The following HERC3 variants were observed in gnomAD, a reference collection of about 807,000 sequenced individuals.
HERC3 encodes HECT and RLD domain containing E3 ubiquitin protein ligase 3.
A neutral mutation model predicts 129.9 loss-of-function variants in HERC3; 58 were observed. That is an observed-to-expected ratio of 0.45 (90% CI 0.36 to 0.56). The LOEUF is 0.56. HERC3 is among the 20% of genes least tolerant of loss of function. The probability of loss-of-function intolerance (pLI) is 0.00; values close to 1 mark genes in which losing one functional copy is unlikely to be tolerated. For synonymous variants in HERC3, 430 were observed against 451.0 expected (o/e 0.95, Z 0.59); for missense variants, 835 against 1,244.2 (o/e 0.67, Z 4.95).
chr4:88,549,223 A>C, the HERC3 span, among the ~76,000 whole-genome samples: 4 of 152,016 alleles, frequency 2.6e-5, no homozygotes, highest in African/African-American at 9.7e-5. Context: ...TTGTCCTAGC[A>C]CCATTTTTGG....
chr4:88,576,534 C>T, the HERC3 span, among the ~76,000 whole-genome samples: 78 of 152,332 alleles, frequency 5.1e-4, no homozygotes, highest in Non-Finnish European at 1.0e-3. Flanking sequence ...GGATGCTCTT[C>T]TCCCACCTGG....
chr4:88,654,172 A>G (rs1333287583), intron 7 of HERC3, 39 bp downstream of exon 7: 5 of 1,366,700 alleles, frequency 3.7e-6, no homozygotes, highest in African/African-American at 1.4e-5. Flanking sequence ...TGCTGGGGAT[A>G]TGATGGGTGA....
At chr4:88,527,603 T>C in the HERC3 span, 2 of 225,928 alleles carry the variant, frequency 8.9e-6, no homozygotes, top group Admixed American at 5.8e-5. Context: ...GTTATGGGGA[T>C]GTACCCGCTG....
Position 88,605,992 on chromosome 4 carries a change from A to G in HERC3, c.169A>G (p.Thr57Ala), listed in dbSNP as rs1441755127. ...VFLLEDGEVY[T>A]CGLNTKGQLG... ...CCTGCTGGAAGATGGGGAAGTTTAC[A>G]CATGTGGTTTGAACACCAAGGGGCA... Residue 57 changes from threonine to alanine, a missense_variant, in exon 3 of 26, where the codon ACA becomes GCA. By Grantham distance (58) the Thr-to-Ala change is moderately conservative. Coordinates refer to ENST00000402738, the MANE Select transcript of HERC3 (RefSeq NM_014606.3). The G allele has an allele frequency of 2.5e-6, 4 of 1,614,190 alleles. No individual in the cohort carries two copies. Among genetic ancestry groups the G allele is most frequent in the Non-Finnish European group, 2.5e-6 (3 of 1,180,042 alleles).
intron 3 of HERC3, among the ~76,000 whole-genome samples, chr4:88,631,923 A>G (rs1726812052): frequency 1.3e-5 from 2 of 152,234 alleles, no homozygotes; most frequent in Non-Finnish European, 2.9e-5. Flanking sequence ...TGGAGCGACT[A>G]TTTGATAACT....
the HERC3 span, among the ~76,000 whole-genome samples, chr4:88,583,513 T>C: frequency 6.6e-6 from 1 of 152,092 alleles, no homozygotes; most frequent in African/African-American, 2.4e-5. Context: ...AATTATGGAG[T>C]ACCTGCTCTG....
At chr4:88,704,863 C>CTTTTTTTTTTTTTTTTTTTT (rs1165694315) in intron 25 of HERC3, among the ~76,000 whole-genome samples, 4 of 130,672 alleles carry the variant, frequency 3.1e-5, no homozygotes, top group African/African-American at 1.2e-4. Context: ...TTCTTTCTTT[C>CTTTTTTTTTTTTTTTTTTTT]TTTTTTTTTT....
chr4:88,667,822 A>T (rs1731206514), intron 13 of HERC3, 70 bp from the exon 14 acceptor site: 2 of 1,141,898 alleles, frequency 1.8e-6, no homozygotes, highest in African/African-American at 1.5e-5. Flanking sequence ...CAAATAGCTT[A>T]TGAACTTAGA....
At chr4:88,683,870 C>T (rs1733092193) in intron 21 of HERC3, among the ~76,000 whole-genome samples, 1 of 152,156 alleles carries the variant, frequency 6.6e-6, no homozygotes, top group East Asian at 1.9e-4. Flanking sequence ...CACAAACTCA[C>T]AAACTTTCTT....
At chr4:88,649,783 T>C in intron 3 of HERC3, 57 bp from the exon 4 acceptor site, 1 of 1,448,816 alleles carries the variant, frequency 6.9e-7, no homozygotes, top group Non-Finnish European at 9.6e-7. Flanking sequence ...TGTGTAATGG[T>C]AGCAGTATTC....
intron 3 of HERC3, among the ~76,000 whole-genome samples, chr4:88,640,676 G>A (rs1727988084): frequency 6.6e-6 from 1 of 151,278 alleles, no homozygotes; most frequent in East Asian, 2.1e-4. Context: ...CATGGCACAT[G>A]TATACCTATT....
In HERC3 at chr4:88,687,195, CT is replaced by C. The variant is rs760954127; in HGVS notation, c.2575-16del. The stretch of plus-strand genomic sequence containing the variant: ...AATGGTTAACAAAATTGAAATATTT[CT>C]TTTTTCCACCTTAAATATAGATCTG... On this transcript the variant is annotated intron_variant, in intron 22 of 25. Transcript: ENST00000402738. 8.9e-6 allele frequency: 14 copies of C among 1,577,522 alleles called. No homozygotes were observed. In the East Asian group the frequency reaches 2.9e-4, roughly 33 times the overall value.
intron 21 of HERC3, among the ~76,000 whole-genome samples, chr4:88,683,543 T>C (rs1733048691): frequency 1.3e-5 from 2 of 152,226 alleles, no homozygotes; most frequent in South Asian, 4.1e-4. Context: ...GTATTTCAAG[T>C]AATGACTTTG....
intron 23 of HERC3, among the ~76,000 whole-genome samples, chr4:88,695,227 CTTAAGG>C (rs1734482417): frequency 6.6e-6 from 1 of 151,810 alleles, no homozygotes. Context: ...TTAACTTTAC[CTTAAGG>C]TTGTTTGTAC....
At chr4:88,680,894 G>C (rs111629870) in intron 20 of HERC3, 112 of 350,684 alleles carry the variant, frequency 3.2e-4, no homozygotes, top group African/African-American at 2.3e-3. Context: ...TTTCTATAAT[G>C]GCTGAAAGTT....
Position 88,653,107 on chromosome 4 carries a change from T to G in HERC3, c.685+17T>G. Reference sequence around the variant, plus strand: ...ATGAAAAAGGTAGGTAAACCCTTCATATGTATGTATTTAGTTTAAAAGCAC... The same window carrying G: ...ATGAAAAAGGTAGGTAAACCCTTCAGATGTATGTATTTAGTTTAAAAGCAC... On this transcript the variant is annotated intron_variant, in intron 6 of 25. Coordinates refer to ENST00000402738, the MANE Select transcript of HERC3 (RefSeq NM_014606.3). 1 of 1,610,638 alleles carries G rather than the reference T, an allele frequency of 6.2e-7. No homozygotes were observed. The highest frequency in any genetic ancestry group is 2.2e-5 in the East Asian group (1 of 44,856).
Position 88,605,886 on chromosome 4 carries a change from T to G in HERC3, c.63T>G (p.Ile21Met). ...QPGISTNLQG[I>M]VAEPQVCGFI... ...GTATCAGCACCAACCTGCAGGGAAT[T>G]GTGGCTGAGCCCCAGGTGTGTGGGT... Residue 21 changes from isoleucine to methionine, a missense_variant, in exon 3 of 26, where the codon ATT becomes ATG. By Grantham distance (10) the Ile-to-Met change is conservative. Transcript: ENST00000402738. 6.2e-7 allele frequency: 1 copy of G among 1,614,184 alleles called. No individual in the cohort carries two copies. The highest frequency in any genetic ancestry group is 1.1e-5 in the South Asian group (1 of 91,078).
chr4:88,683,056 C>T (rs555365764), intron 21 of HERC3, among the ~76,000 whole-genome samples: 5 of 152,156 alleles, frequency 3.3e-5, no homozygotes, highest in African/African-American at 7.2e-5. Flanking sequence ...TTTTGATTTG[C>T]ATTTCTCTGA....
chr4:88,633,496 A>G (rs1273377372), intron 3 of HERC3, among the ~76,000 whole-genome samples: 1 of 152,226 alleles, frequency 6.6e-6, no homozygotes, highest in Admixed American at 6.5e-5. Context: ...TGAAAAGATA[A>G]TTATTGTAAT....
Sources: gnomAD v4.1 joint callset for allele counts (sites outside exome capture counted in the v4.1 genomes callset) on GRCh38, gnomAD v4.1.1 for gene constraint, MANE v1.5 for transcripts, NCBI Gene and HGNC (gene_info 2026-07-23, HGNC 2026-07-21) for gene names.